RAB8A: variants seen among roughly 807,000 people sequenced by gnomAD.
The protein encoded by RAB8A is RAB8A, member RAS oncogene family.
In RAB8A, 5 loss-of-function variants were observed where a neutral mutation model predicts 29.2. The ratio of observed to expected loss-of-function variants is 0.17; its 90% CI spans 0.09 to 0.36. The LOEUF (loss-of-function observed/expected upper bound fraction) is 0.36. Among genes scored for constraint, RAB8A ranks in the 10% least tolerant of loss-of-function variants. The pLI, the probability that RAB8A is intolerant of heterozygous loss-of-function variation, is 1.00. For missense variants in RAB8A, 171 were observed against 272.2 expected (o/e 0.63, Z 2.62); for synonymous variants, 108 against 99.9 (o/e 1.08, Z -0.49).
chr19:16,133,048 C>T lies in RAB8A; in HGVS notation c.*744C>T, dbSNP rs1394073433. ...ACGCTGTGTGTGCTGCAAGTGACCCCGAAAACAACCACAGCCGTCACATGG... is the reference window on the plus strand; with the variant it reads ...ACGCTGTGTGTGCTGCAAGTGACCCTGAAAACAACCACAGCCGTCACATGG... On this transcript the variant is annotated 3_prime_UTR_variant, in exon 8 of 8. Transcript: ENST00000300935. 1.3e-5 allele frequency: 2 copies of T among 152,514 alleles called. No homozygotes were observed. Among genetic ancestry groups the T allele is most frequent in the African/African-American group, 2.4e-5 (1 of 41,424 alleles). The allele number at this position is 152,514 out of a possible 1,614,324, so 9.4% of individuals were successfully genotyped here.
In RAB8A at chr19:16,133,244, A is replaced by T. The variant is rs1285345758; in HGVS notation, c.*940A>T. ...TGACTTCCAATGGCAAACCTGGGTG[A>T]TCGGGAACAAGCACGTTGTACCCTT... On this transcript the variant is annotated 3_prime_UTR_variant, in exon 8 of 8. Coordinates refer to ENST00000300935, the MANE Select transcript of RAB8A (RefSeq NM_005370.5). The T allele has an allele frequency of 6.6e-6, 1 of 152,252 alleles. No individual in the cohort carries two copies. Among genetic ancestry groups the T allele is most frequent in the Non-Finnish European group, 1.5e-5 (1 of 68,058 alleles). 9.4% of individuals were successfully genotyped at this position (152,252 alleles called of 1,614,324 possible).
chr19:16,119,411 G>A (rs995104921), intron 2 of RAB8A, among the ~76,000 whole-genome samples: 2 of 152,024 alleles, frequency 1.3e-5, no homozygotes, highest in African/African-American at 2.4e-5. Flanking sequence ...CTCCATGTTG[G>A]TCAGGCTGGT....
intron 1 of RAB8A, 146 bp downstream of exon 1, chr19:16,112,171 T>C: frequency 1.6e-6 from 2 of 1,216,732 alleles, no homozygotes; most frequent in South Asian, 1.5e-5. Flanking sequence ...AGCAGTCGCC[T>C]GCACCGCCGT....
At chr19:16,113,058 A>C (rs938454829) in intron 1 of RAB8A, among the ~76,000 whole-genome samples, 3 of 152,216 alleles carry the variant, frequency 2.0e-5, no homozygotes, top group Non-Finnish European at 4.4e-5. Flanking sequence ...GCCAGCCCAC[A>C]TTGTGGTTGA....
rs1182513002 is a variant in RAB8A at position 16,127,309 on chromosome 19, C to G, written c.325-128C>G. The G allele has an allele frequency of 2.0e-6, 1 of 499,180 alleles. No individual in the cohort carries two copies. The highest frequency in any genetic ancestry group is 3.3e-6 in the Non-Finnish European group (1 of 303,504). 30.9% of individuals were successfully genotyped at this position (499,180 alleles called of 1,614,324 possible). A position where few individuals can be genotyped will look rare whatever the true frequency, so the allele number is the denominator to read the frequency against. On this transcript the variant is annotated intron_variant, in intron 4 of 7. Transcript: ENST00000300935. This position sits in a 1 kb window ranked among gnomAD's most constrained non-coding sequence, Gnocchi z 4.8. ...GGCCTCTCTGAGCTTCAGCTTGTCC[C>G]TTAGACCAGGCTGTACCTAGCAGTC... is the stretch of plus-strand genomic sequence containing the variant.
At chr19:16,112,220 C>T (rs2090827107) in intron 1 of RAB8A, 195 bp downstream of exon 1, 2 of 698,364 alleles carry the variant, frequency 2.9e-6, no homozygotes, top group Non-Finnish European at 4.6e-6. Context: ...GACCAGGTGC[C>T]CATTTTGCAG....
rs2090908744 is a variant in RAB8A, at chr19:16,127,936, G to C, written c.415-90G>C. 1 of 1,369,306 alleles carries C rather than the reference G, an allele frequency of 7.3e-7. No individual in the cohort carries two copies. The highest frequency in any genetic ancestry group is 1.7e-5 in the Admixed American group (1 of 58,932). 84.8% of individuals were successfully genotyped at this position (1,369,306 alleles called of 1,614,324 possible). A position where few individuals can be genotyped will look rare whatever the true frequency, so the allele number is the denominator to read the frequency against. On this transcript the variant is annotated intron_variant, in intron 5 of 7. Coordinates refer to ENST00000300935, the MANE Select transcript of RAB8A (RefSeq NM_005370.5). This position sits in a 1 kb window ranked among gnomAD's most constrained non-coding sequence, Gnocchi z 4.8. The stretch of plus-strand genomic sequence containing the variant: ...CCAGCCCTGTTGCTGCTCCCTCTTG[G>C]CGCCGGCCCTGCCTTCAGCTCCTGT...
intron 1 of RAB8A, among the ~76,000 whole-genome samples, chr19:16,113,808 C>G (rs60687329): frequency 0.014 from 2,176 of 152,238 alleles, 49 homozygotes; most frequent in African/African-American, 0.049. Context: ...TGTGCACTAC[C>G]CCTCTCTGAG....
Position 16,125,302 on chromosome 19 carries a change from A to G in RAB8A, c.247-168A>G. 1.6e-6 allele frequency: 1 copy of G among 633,868 alleles called. No individual in the cohort carries two copies. The highest frequency in any genetic ancestry group is 2.8e-6 in the Non-Finnish European group (1 of 354,530). The allele number at this position is 633,868 out of a possible 1,614,324, so 39.3% of individuals were successfully genotyped here. A position where few individuals can be genotyped will look rare whatever the true frequency, so the allele number is the denominator to read the frequency against. On this transcript the variant is annotated intron_variant, in intron 3 of 7. Coordinates refer to ENST00000300935, the MANE Select transcript of RAB8A (RefSeq NM_005370.5). This position sits in a 1 kb window ranked among gnomAD's most constrained non-coding sequence, Gnocchi z 5.0. Reference sequence around the variant, plus strand: ...AGAAAGAAGGGCCACAGGGATGGAGAGGAGGGGGCTGGCTTCCGGGGCTCC... The same window carrying G: ...AGAAAGAAGGGCCACAGGGATGGAGGGGAGGGGGCTGGCTTCCGGGGCTCC...
intron 1 of RAB8A, among the ~76,000 whole-genome samples, chr19:16,116,082 C>G (rs937775397): frequency 6.6e-6 from 1 of 152,160 alleles, no homozygotes; most frequent in African/African-American, 2.4e-5. Context: ...AAAGGGAGAA[C>G]TGATGAGGAT....
rs2090942379 is a variant in RAB8A at position 16,133,977 on chromosome 19, G to A, written c.*1673G>A. The A allele has an allele frequency of 6.6e-6, 1 of 152,418 alleles. No homozygotes were observed. The highest frequency in any genetic ancestry group is 1.5e-5 in the Non-Finnish European group (1 of 68,156). 9.4% of individuals were successfully genotyped at this position (152,418 alleles called of 1,614,324 possible). A position where few individuals can be genotyped will look rare whatever the true frequency, so the allele number is the denominator to read the frequency against. The stretch of plus-strand genomic sequence containing the variant: ...CCTGCCTCCCTGGCAGGTCCTTCTA[G>A]GGGCCCTCTCCTGGCTGGCTTTCCA... On this transcript the variant is annotated 3_prime_UTR_variant, in exon 8 of 8. Coordinates refer to ENST00000300935, the MANE Select transcript of RAB8A (RefSeq NM_005370.5).
chr19:16,132,277 C>T lies in RAB8A; in HGVS notation c.597C>T (p.Ser199=). Residue 199 remains serine (S), a synonymous_variant, in exon 8 of 8, where the codon AGC becomes AGT. Transcript: ENST00000300935. The surrounding 1 kb of genome is among the most constrained non-coding windows in gnomAD (Gnocchi z 5.6). ...TCACACCGGACCAGCAGAAGAGGAG[C>T]AGCTTTTTCCGATGTGTTCTTCTGT... ...VKITPDQQKR[S]SFFRCVLL The T allele has an allele frequency of 6.2e-7, 1 of 1,614,056 alleles. No individual in the cohort carries two copies. The highest frequency in any genetic ancestry group is 1.3e-5 in the African/African-American group (1 of 75,022).
chr19:16,112,771 T>G (rs2144981160), intron 1 of RAB8A: 1 of 152,328 alleles, frequency 6.6e-6, no homozygotes, highest in East Asian at 1.9e-4. Flanking sequence ...GTTGAGCCCC[T>G]CTCCCTGACC....
At chr19:16,124,689 G>T in intron 3 of RAB8A, 1 of 152,658 alleles carries the variant, frequency 6.6e-6, no homozygotes, top group Non-Finnish European at 1.5e-5. Context: ...GAGGATAGGT[G>T]TCATCAGTGC....
intron 2 of RAB8A, among the ~76,000 whole-genome samples, chr19:16,119,497 G>C (rs1170398331): frequency 1.3e-5 from 2 of 151,882 alleles, no homozygotes; most frequent in Admixed American, 6.6e-5. Context: ...GAGCCACCAC[G>C]CCCGGCCCTA....
At chr19:16,116,364 G>T (rs1414442282) in intron 1 of RAB8A, among the ~76,000 whole-genome samples, 1 of 152,146 alleles carries the variant, frequency 6.6e-6, no homozygotes, top group Non-Finnish European at 1.5e-5. Context: ...GGGAAGTGGG[G>T]CAGGGAAGCC....
At chr19:16,129,402 A>C in intron 6 of RAB8A, 152 bp from the exon 7 acceptor site, 1 of 724,376 alleles carries the variant, frequency 1.4e-6, no homozygotes, top group South Asian at 1.6e-5. Context: ...GGGGCCGGAC[A>C]GGCCAGATGA....
In RAB8A at chr19:16,122,647, G is replaced by A. The variant is rs1363171966; in HGVS notation, c.246+837G>A. On this transcript the variant is annotated intron_variant, in intron 3 of 7. Coordinates refer to ENST00000300935, the MANE Select transcript of RAB8A (RefSeq NM_005370.5). The surrounding 1 kb of genome is among the most constrained non-coding windows in gnomAD (Gnocchi z 4.7). The stretch of plus-strand genomic sequence containing the variant: ...CTCGATGAGGGCAGCGCCACATCCT[G>A]GTCCCTGCCATCTGCCTGGCCCCGG... Among the ~76,000 whole-genome samples, 1 of 152,148 alleles carries A rather than the reference G, an allele frequency of 6.6e-6. No individual in the cohort carries two copies. The highest frequency in any genetic ancestry group is 1.9e-4 in the East Asian group (1 of 5,194).
chr19:16,118,850 C>T (rs2090859323), intron 2 of RAB8A, among the ~76,000 whole-genome samples: 1 of 152,164 alleles, frequency 6.6e-6, no homozygotes, highest in African/African-American at 2.4e-5. Flanking sequence ...GGGTGACTTC[C>T]CATGCACATA....
Sources: allele counts gnomAD v4.1 joint callset (sites outside exome capture counted in the v4.1 genomes callset), GRCh38; gene constraint gnomAD v4.1.1; non-coding constraint Gnocchi (gnomAD v3.1); transcripts MANE v1.5; gene names NCBI Gene and HGNC (gene_info 2026-07-23, HGNC 2026-07-21).